The following HPSE2 variants were observed in gnomAD, a reference collection of about 807,000 sequenced individuals.
HPSE2 encodes heparanase 2 (inactive).
HPSE2 carries 38 observed loss-of-function variants against 60.5 expected under a neutral mutation model. The observed-to-expected ratio is 0.63, with a 90% confidence interval of 0.48 to 0.82. HPSE2 has a LOEUF of 0.82. Ranked by LOEUF, HPSE2 falls within the 40% of genes least tolerant of loss-of-function variation. The probability of loss-of-function intolerance (pLI) is 0.00; values close to 1 mark genes in which losing one functional copy is unlikely to be tolerated. For missense variants in HPSE2, 713 were observed against 740.4 expected, an observed-to-expected ratio of 0.96 and a Z score of 0.43; for synonymous variants, 295 against 293.2, an observed-to-expected ratio of 1.01 and a Z score of -0.06.
chr10:98,893,441 C>A (rs769872609), intron 3 of HPSE2, among the ~76,000 whole-genome samples: 1 of 152,214 alleles, frequency 6.6e-6, no homozygotes, highest in Non-Finnish European at 1.5e-5. Context: ...GTAAACATAT[C>A]CCTTTTTCCT....
At chr10:98,665,119 T>C (rs1288398090) in intron 6 of HPSE2, among the ~76,000 whole-genome samples, 1 of 152,116 alleles carries the variant, frequency 6.6e-6, no homozygotes, top group African/African-American at 2.4e-5. Context: ...CTTCTAGAAT[T>C]GAAGAATTCA....
At chr10:99,283,104 T>G in the HPSE2 span, among the ~76,000 whole-genome samples, 1 of 150,480 alleles carries the variant, frequency 6.6e-6, no homozygotes, top group Non-Finnish European at 1.5e-5. Context: ...GAGAATGGTG[T>G]GAACCCAAAA....
chr10:98,520,789 A>T (rs1942764653), intron 9 of HPSE2, among the ~76,000 whole-genome samples: 4 of 152,158 alleles, frequency 2.6e-5, no homozygotes, highest in African/African-American at 9.7e-5. Context: ...ACCAAAACAG[A>T]TGTACAGACC....
chr10:98,513,249 G>C (rs531466747), intron 9 of HPSE2, among the ~76,000 whole-genome samples: 10 of 152,154 alleles, frequency 6.6e-5, no homozygotes, highest in Non-Finnish European at 8.8e-5. Context: ...TGGACTTTAG[G>C]TAATAAACTT....
At chr10:99,090,243 G>A (rs1242945467) in intron 3 of HPSE2, among the ~76,000 whole-genome samples, 2 of 151,986 alleles carry the variant, frequency 1.3e-5, no homozygotes, top group Non-Finnish European at 2.9e-5. Flanking sequence ...CTTTCCTGCT[G>A]TAATTTTTCT....
At position 98,458,298 on chromosome 10, in the gene HPSE2, A is replaced by T. The variant is rs776771718; in HGVS notation, c.*1276T>A. 3 of 152,246 alleles carry T rather than the reference A, an allele frequency of 2.0e-5. No individual in the cohort carries two copies. Among genetic ancestry groups the T allele is most frequent in the African/African-American group, 4.8e-5 (2 of 41,450 alleles). The allele number at this position is 152,246 out of a possible 1,614,324, so 9.4% of individuals were successfully genotyped here. Reference sequence around the variant, plus strand: ...CATTTATCCTGAGAAAGAAAATCACATCCACAGAAAAGAAAGTCATTTCAG... The same window carrying T: ...CATTTATCCTGAGAAAGAAAATCACTTCCACAGAAAAGAAAGTCATTTCAG... On this transcript the variant is annotated 3_prime_UTR_variant, in exon 12 of 12. Transcript: ENST00000370552.
chr10:98,869,496 T>G (rs773322110), intron 3 of HPSE2, among the ~76,000 whole-genome samples: 3 of 152,168 alleles, frequency 2.0e-5, no homozygotes, highest in Non-Finnish European at 4.4e-5. Flanking sequence ...CAGACCTTTA[T>G]GTTATGGCCT....
intron 9 of HPSE2, among the ~76,000 whole-genome samples, chr10:98,537,096 C>A (rs1463537271): frequency 6.6e-6 from 1 of 152,100 alleles, no homozygotes; most frequent in Non-Finnish European, 1.5e-5. Flanking sequence ...GTTAAGGAGA[C>A]TTGGGGAGTA....
intron 6 of HPSE2, among the ~76,000 whole-genome samples, chr10:98,672,158 T>C (rs1947523303): frequency 6.6e-6 from 1 of 152,206 alleles, no homozygotes. Flanking sequence ...TGGTAGTTCT[T>C]TCATGTTACC....
intron 9 of HPSE2, among the ~76,000 whole-genome samples, chr10:98,560,114 G>A (rs1041750078): frequency 2.0e-5 from 3 of 152,106 alleles, no homozygotes; most frequent in Non-Finnish European, 2.9e-5. Flanking sequence ...AGAGCCAGGA[G>A]TATAAAGAAT....
At chr10:98,724,300 T>C (rs1164305347) in intron 4 of HPSE2, among the ~76,000 whole-genome samples, 1 of 152,164 alleles carries the variant, frequency 6.6e-6, no homozygotes, top group Non-Finnish European at 1.5e-5. Flanking sequence ...AATCCTGAGT[T>C]CTAGTTTGAT....
At chr10:98,676,930 TC>T (rs1229112705) in intron 6 of HPSE2, among the ~76,000 whole-genome samples, 1 of 143,640 alleles carries the variant, frequency 7.0e-6, no homozygotes, top group African/African-American at 2.6e-5. Context: ...TTTTTTTTTT[TC>T]AGCTAAGTTC....
intron 10 of HPSE2, among the ~76,000 whole-genome samples, chr10:98,484,269 T>TC (rs1181736024): frequency 6.6e-6 from 1 of 152,076 alleles, no homozygotes; most frequent in East Asian, 1.9e-4. Flanking sequence ...TTTCTTTTTT[T>TC]CTCTGTCGCC....
intron 3 of HPSE2, among the ~76,000 whole-genome samples, chr10:98,790,570 T>C (rs1172193283): frequency 6.6e-6 from 1 of 152,206 alleles, no homozygotes; most frequent in East Asian, 1.9e-4. Context: ...GGTGATCCAT[T>C]GTACTGCATG....
At chr10:99,307,029 C>T in the HPSE2 span, among the ~76,000 whole-genome samples, 16 of 152,126 alleles carry the variant, frequency 1.1e-4, no homozygotes, top group African/African-American at 3.9e-4. Flanking sequence ...TTGTTTTAGC[C>T]TGCTAACTGG....
At chr10:99,286,537 G>C in the HPSE2 span, among the ~76,000 whole-genome samples, 1 of 152,158 alleles carries the variant, frequency 6.6e-6, no homozygotes, top group Non-Finnish European at 1.5e-5. Flanking sequence ...GCTGGGGAAA[G>C]TGGGCGATGA....
chr10:99,229,415 C>T (rs886089754), intron 2 of HPSE2, among the ~76,000 whole-genome samples: 2 of 152,200 alleles, frequency 1.3e-5, no homozygotes, highest in African/African-American at 4.8e-5. Flanking sequence ...AAATCTTACT[C>T]ACTCCTTAAT....
intron 2 of HPSE2, among the ~76,000 whole-genome samples, chr10:99,229,577 G>C (rs1849580872): frequency 1.3e-5 from 2 of 152,144 alleles, no homozygotes; most frequent in South Asian, 4.1e-4. Flanking sequence ...AGGTACAGCA[G>C]GTAATCATCA....
chr10:98,628,743 G>A (rs1946283076), intron 7 of HPSE2, among the ~76,000 whole-genome samples: 1 of 152,078 alleles, frequency 6.6e-6, no homozygotes, highest in Non-Finnish European at 1.5e-5. Context: ...TTGTATAAAG[G>A]GAAACCCTTC....
Sources: allele counts gnomAD v4.1 joint callset (sites outside exome capture counted in the v4.1 genomes callset), GRCh38; gene constraint gnomAD v4.1.1; transcripts MANE v1.5; gene names NCBI Gene and HGNC (gene_info 2026-07-23, HGNC 2026-07-21).